SYNE2: variants seen among roughly 807,000 people sequenced by gnomAD.
SYNE2 encodes the protein nesprin-2.
A neutral mutation model predicts 856.3 loss-of-function variants in SYNE2; 431 were observed. That is an observed-to-expected ratio of 0.50 (90% CI 0.47 to 0.55). The LOEUF is 0.55. Ranked by LOEUF, SYNE2 falls within the 20% of genes least tolerant of loss-of-function variation. The pLI, the probability that SYNE2 is intolerant of heterozygous loss-of-function variation, is 0.00. For missense variants in SYNE2, 8,129 were observed against 8,023.2 expected, an observed-to-expected ratio of 1.01 and a Z score of -0.50; for synonymous variants, 2,923 against 2,872.3, an observed-to-expected ratio of 1.02 and a Z score of -0.56.
Position 64,129,483 on chromosome 14 carries a change from C to T in SYNE2, c.14020-299C>T, listed in dbSNP as rs909854246. On this transcript the variant is annotated intron_variant, in intron 74 of 115. Transcript: ENST00000555002. ...TTCGAAGGAGCTAGATATGTGTATA[C>T]CAATGTGAAGAGATGCTGAAGAGCT... Among the ~76,000 whole-genome samples the T allele has an allele frequency of 2.6e-5, 4 of 152,198 alleles. No homozygotes were observed. In the South Asian group the frequency reaches 6.2e-4, roughly 24 times the overall value.
At chr14:63,967,510 A>G (rs1470020326) in intron 10 of SYNE2, among the ~76,000 whole-genome samples, 199 bp from the exon 11 acceptor site, 1 of 152,188 alleles carries the variant, frequency 6.6e-6, no homozygotes, top group East Asian at 1.9e-4. Context: ...AGTGAGACCT[A>G]TGACATTATG....
rs1262017703 is a variant in SYNE2, at chr14:64,081,576, T to C, written c.11480T>C (p.Val3827Ala). 1 of 1,614,046 alleles carries C rather than the reference T, an allele frequency of 6.2e-7. No individual in the cohort carries two copies. The highest frequency in any genetic ancestry group is 1.7e-5 in the Admixed American group (1 of 60,022). ...LRTLSHHAST[V>A]QMALEDSEQK... Reference sequence around the variant, plus strand: ...ACACTGAGTCACCATGCTAGCACTGTGCAGGTAAGTGTTCTTCCAGGTTTT... The same window carrying C: ...ACACTGAGTCACCATGCTAGCACTGCGCAGGTAAGTGTTCTTCCAGGTTTT... The change falls in exon 57 of 116, where the codon GTG (valine) becomes GCG (alanine). Residue 3827 changes from valine (V) to alanine (A), a missense_variant. Val to Ala is a moderately conservative substitution (Grantham distance 64). Coordinates refer to ENST00000555002, the MANE Select transcript of SYNE2 (RefSeq NM_182914.3).
In SYNE2 at chr14:63,905,258, G is replaced by A. The variant is rs143124021; in HGVS notation, c.-51-3840G>A. On this transcript the variant is annotated intron_variant, in intron 1 of 115. Coordinates refer to ENST00000555002, the MANE Select transcript of SYNE2 (RefSeq NM_182914.3). ...TGGGTAGTGTGATGGCTCTGGCTTT[G>A]TTCTTTTTTCTTAGGATTGCTTTGA... Among the ~76,000 whole-genome samples the A allele has an allele frequency of 3.2e-4, 48 of 152,148 alleles. No homozygotes were observed. The East Asian group carries it at 9.3e-3, about 29-fold the overall frequency.
chr14:64,159,672 TAAC>T (rs1164808092), intron 87 of SYNE2, among the ~76,000 whole-genome samples: 2 of 152,198 alleles, frequency 1.3e-5, no homozygotes, highest in Non-Finnish European at 2.9e-5. Flanking sequence ...AATGGCCTAA[TAAC>T]AACCCCAGTG....
chr14:64,144,097 C>T (rs1041793897), intron 83 of SYNE2, 149 bp downstream of exon 83: 1 of 927,818 alleles, frequency 1.1e-6, no homozygotes. Flanking sequence ...TATGTTTTAG[C>T]ATTCTCCATT....
intron 2 of SYNE2, among the ~76,000 whole-genome samples, chr14:63,930,586 C>A (rs774139686): frequency 2.0e-5 from 3 of 149,336 alleles, no homozygotes; most frequent in African/African-American, 7.4e-5. Context: ...CAGGCTGGAG[C>A]GTAGTGGTGC....
chr14:63,863,273 G>A (rs1413429967), intron 1 of SYNE2, among the ~76,000 whole-genome samples: 1 of 152,142 alleles, frequency 6.6e-6, no homozygotes, highest in Non-Finnish European at 1.5e-5. Context: ...GGTTCGAGAT[G>A]ACACATTTAG....
intron 1 of SYNE2, among the ~76,000 whole-genome samples, chr14:63,795,103 G>A (rs2149676): frequency 0.53 from 80,200 of 151,860 alleles, 22,045 homozygotes; most frequent in South Asian, 0.65. Context: ...TGGCAAAGAT[G>A]GTGTGATGGT....
At position 64,142,103 on chromosome 14, in the gene SYNE2, G is replaced by T; in HGVS notation, c.15306+15G>T. The T allele has an allele frequency of 6.2e-7, 1 of 1,613,928 alleles. No individual in the cohort carries two copies. Among genetic ancestry groups the T allele is most frequent in the Non-Finnish European group, 8.5e-7 (1 of 1,179,890 alleles). ...AGAAGCACAAGGTAATTATGCAAAA[G>T]GAGCAGAAGTCTTTTCATTGAAACA... On this transcript the variant is annotated intron_variant, in intron 82 of 115. Coordinates refer to ENST00000555002, the MANE Select transcript of SYNE2 (RefSeq NM_182914.3).
chr14:64,010,486 T>TCCCAC (rs2096835584), intron 32 of SYNE2, among the ~76,000 whole-genome samples: 3 of 152,202 alleles, frequency 2.0e-5, no homozygotes, highest in Non-Finnish European at 2.9e-5. Context: ...CTGTTGTTAG[T>TCCCAC]AGAGTGAGGA....
chr14:63,879,064 G>A (rs1448078234), intron 1 of SYNE2, among the ~76,000 whole-genome samples: 1 of 152,032 alleles, frequency 6.6e-6, no homozygotes, highest in Non-Finnish European at 1.5e-5. Flanking sequence ...GCTCAGTTGG[G>A]TGTGCTGGTA....
intron 78 of SYNE2, among the ~76,000 whole-genome samples, chr14:64,137,205 G>A (rs2098100642): frequency 6.6e-6 from 1 of 152,010 alleles, no homozygotes; most frequent in African/African-American, 2.4e-5. Flanking sequence ...GGTTTGTTTT[G>A]TTTTGTTTTG....
chr14:63,812,300 G>T (rs1888644148), intron 1 of SYNE2, among the ~76,000 whole-genome samples: 1 of 152,156 alleles, frequency 6.6e-6, no homozygotes, highest in Admixed American at 6.6e-5. Flanking sequence ...TAGGCTCTCT[G>T]CAAGAAGAAA....
Position 64,212,928 on chromosome 14 carries a change from GA to G in SYNE2, c.18980del (p.Glu6327GlyfsTer70). The G allele has an allele frequency of 6.2e-7, 1 of 1,614,210 alleles. No homozygotes were observed. Reference protein sequence around the residue: ...LDAVLIEDELEELHRYCQEVF... With the variant: ...LDAVLIEDELXELHRYCQEVF... The stretch of plus-strand genomic sequence containing the variant: ...TGCTGTGCTGATTGAGGATGAGCTG[GA>G]GGAACTCCACCGCTACTGCCAGGAG... On this transcript the variant is annotated frameshift_variant, in exon 105 of 116. Coordinates refer to ENST00000555002, the MANE Select transcript of SYNE2 (RefSeq NM_182914.3). LOFTEE classifies it high-confidence loss of function.
chr14:64,101,902 C>T (rs895684205), intron 63 of SYNE2, 30 bp from the exon 64 acceptor site: 1 of 1,545,116 alleles, frequency 6.5e-7, no homozygotes, highest in South Asian at 1.1e-5. Context: ...GAAGCTCTTC[C>T]CTTTGCTAAC....
rs556522825 is a variant in SYNE2 at position 64,081,565 on chromosome 14, T to G, written c.11469T>G (p.His3823Gln). The change falls in exon 57 of 116, where the codon CAT becomes CAG. Residue 3823 changes from histidine to glutamine, a missense_variant. Coordinates refer to ENST00000555002, the MANE Select transcript of SYNE2 (RefSeq NM_182914.3). ...DYDSLRTLSH[H>Q]ASTVQMALED... Reference sequence around the variant, plus strand: ...ACTCTTTGAGGACACTGAGTCACCATGCTAGCACTGTGCAGGTAAGTGTTC... The same window carrying G: ...ACTCTTTGAGGACACTGAGTCACCAGGCTAGCACTGTGCAGGTAAGTGTTC... 1 of 1,614,126 alleles carries G rather than the reference T, an allele frequency of 6.2e-7. No homozygotes were observed. Among genetic ancestry groups the G allele is most frequent in the African/African-American group, 1.3e-5 (1 of 75,058 alleles).
rs537975021 is a variant in SYNE2, at chr14:64,053,839, C to T, written c.9744+182C>T. On this transcript the variant is annotated intron_variant, in intron 48 of 115. Transcript: ENST00000555002. ...AAAAAATTAGCTGGGTATGGTGGCA[C>T]ATGGTTGTAATCCCAGCTACTCAGG... Among the ~76,000 whole-genome samples, 10 of 152,206 alleles carry T rather than the reference C, an allele frequency of 6.6e-5. No homozygotes were observed. In the South Asian group the frequency reaches 1.2e-3, roughly 19 times the overall value.
At chr14:64,044,416 G>A (rs780309215) in intron 45 of SYNE2, among the ~76,000 whole-genome samples, 15 of 152,152 alleles carry the variant, frequency 9.9e-5, no homozygotes, top group South Asian at 4.1e-4. Context: ...CATAGGCAAA[G>A]GGACTTGCTT....
At chr14:63,783,579 G>A (rs1312157003) in intron 1 of SYNE2, among the ~76,000 whole-genome samples, 1 of 152,168 alleles carries the variant, frequency 6.6e-6, no homozygotes, top group Non-Finnish European at 1.5e-5. Context: ...GGACTAAACA[G>A]ATATAGTATC....
Sources: allele counts gnomAD v4.1 joint callset (sites outside exome capture counted in the v4.1 genomes callset), GRCh38; gene constraint gnomAD v4.1.1; transcripts MANE v1.5; gene names NCBI Gene and HGNC (gene_info 2026-07-23, HGNC 2026-07-21).